The following COL6A6 variants were observed in gnomAD, a reference collection of about 807,000 sequenced individuals.
COL6A6 encodes the protein collagen alpha-6(VI) chain.
Under a neutral mutation model 208.6 loss-of-function variants are expected in COL6A6, and 183 were observed. That is an observed-to-expected ratio of 0.88 (90% CI 0.78 to 0.99). The LOEUF is 0.99. COL6A6 is among the 50% of genes least tolerant of loss of function. COL6A6 has a pLI of 0.00. For synonymous variants in COL6A6, 973 were observed against 1,011.8 expected, an observed-to-expected ratio of 0.96 and a Z score of 0.73; for missense variants, 2,816 against 2,815.2, an observed-to-expected ratio of 1.00 and a Z score of -0.01.
At chr3:130,594,739 G>A (rs1303767185) in intron 18 of COL6A6, among the ~76,000 whole-genome samples, 1 of 152,132 alleles carries the variant, frequency 6.6e-6, no homozygotes, top group Admixed American at 6.5e-5. Flanking sequence ...ACATACCTGA[G>A]TCTGGGTAAT....
chr3:130,652,462 A>G (rs2065672448), intron 33 of COL6A6, among the ~76,000 whole-genome samples: 1 of 152,324 alleles, frequency 6.6e-6, no homozygotes, highest in South Asian at 2.1e-4. Flanking sequence ...ATTGCTCCCA[A>G]GTTTCATCCA....
intron 23 of COL6A6, among the ~76,000 whole-genome samples, chr3:130,619,914 A>G (rs1267920653): frequency 6.6e-6 from 1 of 152,106 alleles, no homozygotes; most frequent in Non-Finnish European, 1.5e-5. Context: ...ATCCATTTCT[A>G]TTCAATAGGA....
At chr3:130,583,692 A>G (rs2063473877) in intron 10 of COL6A6, among the ~76,000 whole-genome samples, 1 of 152,228 alleles carries the variant, frequency 6.6e-6, no homozygotes, top group Non-Finnish European at 1.5e-5. Context: ...TTGAGTGTGA[A>G]TAATTTGGTT....
chr3:130,607,162 TA>T (rs1219556726), intron 21 of COL6A6, among the ~76,000 whole-genome samples, 196 bp downstream of exon 21: 1 of 152,202 alleles, frequency 6.6e-6, no homozygotes, highest in African/African-American at 2.4e-5. Context: ...TCAAAAACCA[TA>T]AAAAATAATG....
intron 27 of COL6A6, 125 bp downstream of exon 27, chr3:130,634,750 A>C: frequency 3.0e-6 from 2 of 672,354 alleles, no homozygotes; most frequent in South Asian, 2.3e-5. Flanking sequence ...GCGGAGAAGG[A>C]GGGAAGAAAG....
At position 130,662,188 on chromosome 3, in the gene COL6A6, G is replaced by A; in HGVS notation, c.6382G>A (p.Glu2128Lys). 1 of 1,614,010 alleles carries A rather than the reference G, an allele frequency of 6.2e-7. No individual in the cohort carries two copies. Among genetic ancestry groups the A allele is most frequent in the Non-Finnish European group, 8.5e-7 (1 of 1,179,890 alleles). Reference protein sequence around the residue: ...FSLGPIWDDKELEDLASHPLD... With the variant: ...FSLGPIWDDKKLEDLASHPLD... ...CCTTGGCCCTATTTGGGATGACAAG[G>A]AACTGGAGGATCTCGCCAGCCACCC... is the stretch of plus-strand genomic sequence containing the variant. Residue 2128 changes from glutamate (E) to lysine (K), a missense_variant, in exon 35 of 37, where the codon GAA becomes AAA. Glu to Lys is a moderately conservative substitution (Grantham distance 56, BLOSUM62 1). Transcript: ENST00000358511.
chr3:130,561,807 C>T (rs1358083678), intron 2 of COL6A6, among the ~76,000 whole-genome samples: 4 of 151,320 alleles, frequency 2.6e-5, no homozygotes, highest in African/African-American at 7.3e-5. Context: ...CGCCCGCCAC[C>T]GCGCCCGGCT....
At chr3:130,610,991 G>T (rs978063487) in intron 23 of COL6A6, among the ~76,000 whole-genome samples, 1 of 151,994 alleles carries the variant, frequency 6.6e-6, no homozygotes, top group East Asian at 1.9e-4. Flanking sequence ...ATTCTCTTGG[G>T]GTTTCCCATC....
intron 33 of COL6A6, among the ~76,000 whole-genome samples, chr3:130,650,258 G>A (rs2065594053): frequency 6.6e-6 from 1 of 152,148 alleles, no homozygotes; most frequent in South Asian, 2.1e-4. Flanking sequence ...ACCACATGGT[G>A]TTCTGTTCTC....
At chr3:130,671,483 A>G (rs892659854) in intron 36 of COL6A6, among the ~76,000 whole-genome samples, 1 of 152,182 alleles carries the variant, frequency 6.6e-6, no homozygotes, top group Non-Finnish European at 1.5e-5. Flanking sequence ...GAGACATGAA[A>G]TCCATACCAC....
intron 1 of COL6A6, among the ~76,000 whole-genome samples, chr3:130,542,898 C>CTTTTTTTTTTTTTTTTTTTT (rs56339748): frequency 1.1e-5 from 1 of 92,614 alleles, no homozygotes; most frequent in African/African-American, 4.1e-5. Context: ...TCCATTCACT[C>CTTTTTTTTTTTTTTTTTTTT]TTTTTTTTTT....
At chr3:130,539,505 G>A (rs2062305815) in intron 1 of COL6A6, among the ~76,000 whole-genome samples, 1 of 152,038 alleles carries the variant, frequency 6.6e-6, no homozygotes, top group African/African-American at 2.4e-5. Context: ...GTGGTGGTGG[G>A]CGCCTATAGT....
In COL6A6 at chr3:130,606,971, A is replaced by G. The variant is rs1252280919; in HGVS notation, c.4689+5A>G. ...AGGGGACATACAGGCCCACAGGTAC[A>G]ATGATTTTTCCCCTTAACTCCAAAT... On this transcript the variant is annotated splice_donor_5th_base_variant and intron_variant, in intron 21 of 36. Transcript: ENST00000358511. 4.4e-6 allele frequency: 7 copies of G among 1,606,638 alleles called. No homozygotes were observed. Among genetic ancestry groups the G allele is most frequent in the South Asian group, 1.1e-5 (1 of 89,962 alleles).
chr3:130,589,298 G>T, intron 12 of COL6A6, 116 bp downstream of exon 12: 2 of 628,950 alleles, frequency 3.2e-6, no homozygotes, highest in Non-Finnish European at 5.6e-6. Flanking sequence ...TTATATAAGA[G>T]TTTATTATAC....
chr3:130,671,206 C>T (rs1243136883), intron 36 of COL6A6, among the ~76,000 whole-genome samples: 2 of 152,174 alleles, frequency 1.3e-5, no homozygotes, highest in African/African-American at 4.8e-5. Context: ...ATTTTGCCGT[C>T]GGCTCTCCAC....
intron 24 of COL6A6, among the ~76,000 whole-genome samples, chr3:130,624,443 G>A (rs1460180622): frequency 1.3e-5 from 2 of 152,152 alleles, no homozygotes; most frequent in African/African-American, 2.4e-5. Context: ...CAAGATAATG[G>A]GGATGACAAG....
chr3:130,642,714 A>T (rs985397041), intron 29 of COL6A6, 118 bp from the exon 30 acceptor site: 1 of 852,646 alleles, frequency 1.2e-6, no homozygotes, highest in Non-Finnish European at 1.8e-6. Flanking sequence ...TGCCTCTTAC[A>T]ATTTAATGAG....
intron 1 of COL6A6, among the ~76,000 whole-genome samples, chr3:130,553,835 GT>G (rs370346226): frequency 1.6e-4 from 20 of 121,482 alleles, no homozygotes; most frequent in South Asian, 5.7e-4. Flanking sequence ...GTTGCGGTGG[GT>G]TTTTTTTGTG....
chr3:130,648,575 T>C (rs2065528163), intron 32 of COL6A6, among the ~76,000 whole-genome samples: 1 of 152,228 alleles, frequency 6.6e-6, no homozygotes, highest in Non-Finnish European at 1.5e-5. Flanking sequence ...CCTACTCTCT[T>C]TGCGTCTCAT....
Sources: allele counts gnomAD v4.1 joint callset (sites outside exome capture counted in the v4.1 genomes callset), GRCh38; gene constraint gnomAD v4.1.1; transcripts MANE v1.5; gene names NCBI Gene and HGNC (gene_info 2026-07-23, HGNC 2026-07-21).